TUSC3: variants seen among roughly 807,000 people sequenced by gnomAD.
The protein encoded by TUSC3 is tumor suppressor candidate 3.
TUSC3 carries 45 observed loss-of-function variants against 44.8 expected under a neutral mutation model. That is an observed-to-expected ratio of 1.00 (90% CI 0.79 to 1.29). The LOEUF is 1.29. Ranked by LOEUF, TUSC3 falls within the 50% of genes most tolerant of loss-of-function variation. The probability of loss-of-function intolerance (pLI) is 0.00; values close to 1 mark genes in which losing one functional copy is unlikely to be tolerated. For missense variants in TUSC3, 519 were observed against 437.9 expected, an observed-to-expected ratio of 1.19 and a Z score of -1.65; for synonymous variants, 212 against 152.9, an observed-to-expected ratio of 1.39 and a Z score of -2.85.
At chr8:15,438,364 G>C (rs1799978546) in intron 1 of TUSC3, among the ~76,000 whole-genome samples, 1 of 152,152 alleles carries the variant, frequency 6.6e-6, no homozygotes, top group Non-Finnish European at 1.5e-5. Flanking sequence ...CCAAAGTGCT[G>C]GGATTACAGG....
intron 10 of TUSC3, 151 bp from the exon 11 acceptor site, chr8:15,764,052 A>T: frequency 1.3e-6 from 1 of 766,894 alleles, no homozygotes; most frequent in Non-Finnish European, 2.1e-6. Flanking sequence ...GTTTAGAAAA[A>T]TTGCCCTGAT....
rs538240257 is a variant in TUSC3 at position 15,472,439 on chromosome 8, CA to C, written n.92-10946del. 2.8e-3 allele frequency among the ~76,000 whole-genome samples: 421 copies of C among 152,242 alleles called. 3 individuals are homozygous for C. The highest frequency in any genetic ancestry group is 9.7e-3 in the African/African-American group (401 of 41,534). On this transcript the variant is annotated intron_variant and non_coding_transcript_variant, in intron 1 of 5. Coordinates refer to the TUSC3 transcript ENST00000503191. ...CCATTGCTATAAGTAAATCATTTTG[CA>C]GGTGACTTTTGAAGGTCTGAGTTTT...
intron 1 of TUSC3, among the ~76,000 whole-genome samples, chr8:15,565,223 C>G (rs962245705): frequency 6.8e-6 from 1 of 146,490 alleles, no homozygotes; most frequent in Admixed American, 6.9e-5. Context: ...CTCATTATTT[C>G]TTACTTGGCA....
chr8:15,570,954 G>GTTTTCTTTTTTTTTTTTTTTTTTTTTT (rs1802850623), intron 1 of TUSC3, among the ~76,000 whole-genome samples: 1 of 44,494 alleles, frequency 2.2e-5, no homozygotes, highest in African/African-American at 5.7e-5. Context: ...TTGCCTATTA[G>GTTTTCTTTTTTTTTTTTTTTTTTTTTT]TTTTTTTTTT....
chr8:15,753,447 C>T (rs1811791496), intron 9 of TUSC3, among the ~76,000 whole-genome samples: 1 of 152,062 alleles, frequency 6.6e-6, no homozygotes, highest in African/African-American at 2.4e-5. Context: ...TATAGTATAA[C>T]TGTTCCCTTC....
intron 6 of TUSC3, among the ~76,000 whole-genome samples, chr8:15,697,198 C>T (rs1563178687): frequency 6.6e-6 from 1 of 152,058 alleles, no homozygotes; most frequent in Non-Finnish European, 1.5e-5. Flanking sequence ...TGCTAATGGT[C>T]TATCAGTTTT....
At chr8:15,709,454 A>G (rs900033775) in intron 6 of TUSC3, among the ~76,000 whole-genome samples, 1 of 151,870 alleles carries the variant, frequency 6.6e-6, no homozygotes, top group African/African-American at 2.4e-5. Flanking sequence ...TAGTTAATCC[A>G]TATTCTTATA....
chr8:15,682,854 A>T (rs2098507), intron 6 of TUSC3, among the ~76,000 whole-genome samples: 31,674 of 150,668 alleles, frequency 0.21, 4,188 homozygotes, highest in Non-Finnish European at 0.3. Flanking sequence ...TCTTGTGGTA[A>T]TGAATTCTCT....
rs111651449 is a variant in TUSC3, at chr8:15,490,442, C to T, written n.189+6959C>T. ...ACCACCACCACTACCATCATCACCA[C>T]CCTGCAATTTTCCAGCAGCCCCTCC... is the stretch of plus-strand genomic sequence containing the variant. On this transcript the variant is annotated intron_variant and non_coding_transcript_variant, in intron 2 of 5. Transcript: ENST00000503191. Among the ~76,000 whole-genome samples the T allele has an allele frequency of 5.1e-3, 769 of 152,254 alleles. 7 individuals are homozygous for T. Among genetic ancestry groups the T allele is most frequent in the African/African-American group, 0.018 (737 of 41,562 alleles).
chr8:15,638,556 C>G lies in TUSC3; in HGVS notation c.309-12141C>G, dbSNP rs1394640491. 4.4e-5 allele frequency among the ~76,000 whole-genome samples: 5 copies of G among 114,644 alleles called. No individual in the cohort carries two copies. In the South Asian group the frequency reaches 1.2e-3, roughly 27 times the overall value. The allele number at this position is 114,644 out of a possible 152,430, so 75.2% of individuals were successfully genotyped here. On this transcript the variant is annotated intron_variant, in intron 2 of 10. Transcript: ENST00000503731. ...TTTTTTTTTGGAGACAAGAGTCTCA[C>G]TCTGTTGCCCATGCTGGAGTGCAGT...
chr8:15,717,481 A>C (rs1462039351), intron 6 of TUSC3, among the ~76,000 whole-genome samples: 4 of 151,872 alleles, frequency 2.6e-5, no homozygotes, highest in African/African-American at 9.7e-5. Flanking sequence ...CTATCTCCAG[A>C]CTCCTTCCCA....
chr8:15,532,358 G>T (rs890835665), intron 2 of TUSC3, among the ~76,000 whole-genome samples: 1 of 152,096 alleles, frequency 6.6e-6, no homozygotes, highest in African/African-American at 2.4e-5. Flanking sequence ...CATTTGTGGA[G>T]GCTGAGAAGT....
Position 15,421,813 on chromosome 8 carries a change from C to T in TUSC3, n.91+4508C>T, listed in dbSNP as rs538310088. On this transcript the variant is annotated intron_variant and non_coding_transcript_variant, in intron 1 of 5. Coordinates refer to the TUSC3 transcript ENST00000503191. ...ATGTGGCATATATGGTATAGGATGA[C>T]ACGTGCCTAGTCATGTTGTAAAAAA... Among the ~76,000 whole-genome samples the T allele has an allele frequency of 1.5e-4, 23 of 152,274 alleles. 1 individual carries two copies. The highest frequency in any genetic ancestry group is 3.4e-3 in the Middle Eastern group (1 of 292).
intron 2 of TUSC3, among the ~76,000 whole-genome samples, chr8:15,639,410 A>G (rs1806258658): frequency 6.6e-6 from 1 of 152,128 alleles, no homozygotes; most frequent in Non-Finnish European, 1.5e-5. Context: ...TTGATGAAAA[A>G]CTCATTGAAA....
chr8:15,754,881 TATTC>T (rs1811859346), intron 9 of TUSC3, among the ~76,000 whole-genome samples: 1 of 152,058 alleles, frequency 6.6e-6, no homozygotes, highest in Admixed American at 6.6e-5. Context: ...CTGTTCGGCT[TATTC>T]ATTTTTATTT....
the TUSC3 span, among the ~76,000 whole-genome samples, chr8:15,811,124 G>T: frequency 1.3e-5 from 2 of 152,088 alleles, no homozygotes; most frequent in Non-Finnish European, 2.9e-5. Flanking sequence ...GGGAAATGTC[G>T]CGTGGTTGTC....
chr8:15,770,005 T>C (rs1234719698), downstream of TUSC3, among the ~76,000 whole-genome samples: 2 of 152,186 alleles, frequency 1.3e-5, no homozygotes, highest in Non-Finnish European at 2.9e-5. Flanking sequence ...GACAGTGTGG[T>C]GATTCCTCAA....
intron 6 of TUSC3, among the ~76,000 whole-genome samples, chr8:15,700,521 A>T (rs1488662706): frequency 6.6e-6 from 1 of 152,174 alleles, no homozygotes; most frequent in Non-Finnish European, 1.5e-5. Context: ...GTTAATGGAC[A>T]AGTGGAAAAT....
At chr8:15,512,686 T>C (rs141122853) in intron 2 of TUSC3, among the ~76,000 whole-genome samples, 3,309 of 149,962 alleles carry the variant, frequency 0.022, 130 homozygotes, top group African/African-American at 0.077. Context: ...GGCAGGAGAG[T>C]TGCTTGAACC....
Sources: allele counts gnomAD v4.1 joint callset (sites outside exome capture counted in the v4.1 genomes callset), GRCh38; gene constraint gnomAD v4.1.1; transcripts MANE v1.5; gene names NCBI Gene and HGNC (gene_info 2026-07-23, HGNC 2026-07-21).